NCKAP5: variants seen among roughly 807,000 people sequenced by gnomAD.
The protein encoded by NCKAP5 is NCK associated protein 5, also known as nck-associated protein 5.
Under a neutral mutation model 167.0 loss-of-function variants are expected in NCKAP5, and 92 were observed. That is an observed-to-expected ratio of 0.55 (90% CI 0.47 to 0.66). The LOEUF is 0.66. Among genes scored for constraint, NCKAP5 ranks in the 30% least tolerant of loss-of-function variants. The pLI, the probability that NCKAP5 is intolerant of heterozygous loss-of-function variation, is 0.00. For synonymous variants in NCKAP5, 891 were observed against 877.4 expected (o/e 1.02, Z -0.27); for missense variants, 2,378 against 2,315.0 (o/e 1.03, Z -0.56).
At chr2:133,141,229 C>T (rs1476103309) in intron 5 of NCKAP5, among the ~76,000 whole-genome samples, 1 of 152,150 alleles carries the variant, frequency 6.6e-6, no homozygotes, top group Non-Finnish European at 1.5e-5. Flanking sequence ...ATCCCAACTT[C>T]ATATTCACAT....
chr2:133,002,354 C>A (rs1002173644), intron 6 of NCKAP5, among the ~76,000 whole-genome samples: 18 of 152,156 alleles, frequency 1.2e-4, no homozygotes, highest in Admixed American at 1.0e-3. Context: ...AAGAAATCAA[C>A]AATAACAACT....
At chr2:133,049,555 A>G (rs900810669) in intron 6 of NCKAP5, among the ~76,000 whole-genome samples, 1 of 151,808 alleles carries the variant, frequency 6.6e-6, no homozygotes, top group African/African-American at 2.4e-5. Flanking sequence ...AAAAAAAAAA[A>G]AAAAAAAAAA....
At chr2:133,558,498 G>T (rs1291565042) in intron 2 of NCKAP5, among the ~76,000 whole-genome samples, 1 of 151,674 alleles carries the variant, frequency 6.6e-6, no homozygotes, top group Non-Finnish European at 1.5e-5. Flanking sequence ...GATGGTCCAG[G>T]ACTACAGAAA....
At chr2:133,368,043 G>A (rs796945195) in intron 3 of NCKAP5, among the ~76,000 whole-genome samples, 3 of 152,238 alleles carry the variant, frequency 2.0e-5, no homozygotes, top group Non-Finnish European at 2.9e-5. Context: ...AAGGCAAAGA[G>A]TAAAATTCAA....
chr2:133,537,401 C>A (rs1161442475), intron 2 of NCKAP5, among the ~76,000 whole-genome samples: 3 of 152,068 alleles, frequency 2.0e-5, no homozygotes, highest in African/African-American at 7.2e-5. Context: ...GTAGTGCCAT[C>A]TTAACAATGC....
chr2:132,902,722 G>A (rs1024694543), intron 8 of NCKAP5, among the ~76,000 whole-genome samples: 8 of 152,230 alleles, frequency 5.3e-5, no homozygotes, highest in Admixed American at 2.6e-4. Context: ...CCAAGAAGCT[G>A]CTCTCATGGC....
At chr2:133,562,853 G>A (rs72994246) in intron 1 of NCKAP5, among the ~76,000 whole-genome samples, 6,537 of 152,250 alleles carry the variant, frequency 0.043, 503 homozygotes, top group African/African-American at 0.15. Flanking sequence ...CATTAGGCAA[G>A]TATGTATTGG....
chr2:133,418,148 C>T (rs1263059815), intron 3 of NCKAP5, among the ~76,000 whole-genome samples: 1 of 152,182 alleles, frequency 6.6e-6, no homozygotes, highest in East Asian at 1.9e-4. Flanking sequence ...TTCTCAGAGG[C>T]TAGCATCAGA....
intron 4 of NCKAP5, 50 bp downstream of exon 4, chr2:133,302,987 T>C: frequency 3.2e-6 from 4 of 1,265,906 alleles, no homozygotes; most frequent in Non-Finnish European, 4.5e-6. Flanking sequence ...TCAGCAAAGC[T>C]ATAAAGGATG....
At chr2:133,016,274 G>A (rs563885523) in intron 6 of NCKAP5, among the ~76,000 whole-genome samples, 2 of 152,188 alleles carry the variant, frequency 1.3e-5, no homozygotes, top group African/African-American at 4.8e-5. Flanking sequence ...GTGTGTGAGA[G>A]CACATGAAGT....
the NCKAP5 span, among the ~76,000 whole-genome samples, chr2:133,667,924 A>C: frequency 2.5e-4 from 38 of 151,974 alleles, no homozygotes; most frequent in Non-Finnish European, 4.6e-4. Flanking sequence ...GCCCATACCC[A>C]TTACCAGTTA....
intron 6 of NCKAP5, among the ~76,000 whole-genome samples, chr2:133,066,288 T>A (rs2080193220): frequency 6.6e-6 from 1 of 152,242 alleles, no homozygotes; most frequent in South Asian, 2.1e-4. Context: ...CTTGTCATCA[T>A]CTTTCTCTTT....
At chr2:132,927,911 G>C (rs1387815546) in intron 8 of NCKAP5, among the ~76,000 whole-genome samples, 1 of 152,100 alleles carries the variant, frequency 6.6e-6, no homozygotes, top group Non-Finnish European at 1.5e-5. Context: ...ATGGAGAAGA[G>C]ACAGAGCCAT....
At chr2:133,192,503 T>G (rs1190129079) in intron 5 of NCKAP5, among the ~76,000 whole-genome samples, 1 of 151,922 alleles carries the variant, frequency 6.6e-6, no homozygotes, top group Non-Finnish European at 1.5e-5. Context: ...ATACCACATA[T>G]ACTACCAAGG....
intron 3 of NCKAP5, among the ~76,000 whole-genome samples, chr2:133,309,297 T>C (rs950835325): frequency 1.3e-5 from 2 of 152,120 alleles, no homozygotes; most frequent in Non-Finnish European, 2.9e-5. Flanking sequence ...CAGAAAATAA[T>C]GTCCATGAAG....
At chr2:133,231,949 C>CA (rs2150251698) in intron 4 of NCKAP5, among the ~76,000 whole-genome samples, 1 of 152,228 alleles carries the variant, frequency 6.6e-6, no homozygotes, top group Admixed American at 6.5e-5. Context: ...TGTCTTCTAG[C>CA]AAAAATCACT....
chr2:132,970,026 A>C (rs1455516866), intron 7 of NCKAP5, among the ~76,000 whole-genome samples: 1 of 152,242 alleles, frequency 6.6e-6, no homozygotes, highest in Non-Finnish European at 1.5e-5. Flanking sequence ...TGAGCAAAAG[A>C]AACAAATAGG....
intron 3 of NCKAP5, among the ~76,000 whole-genome samples, chr2:133,309,565 G>A (rs957626349): frequency 6.6e-6 from 1 of 152,154 alleles, no homozygotes; most frequent in African/African-American, 2.4e-5. Flanking sequence ...TCTGTTCCCT[G>A]GCTAAAACTT....
chr2:132,731,800 G>A lies in NCKAP5; in HGVS notation c.5380C>T (p.Pro1794Ser). The A allele has an allele frequency of 6.2e-7, 1 of 1,613,918 alleles. No individual in the cohort carries two copies. Among genetic ancestry groups the A allele is most frequent in the Non-Finnish European group, 8.5e-7 (1 of 1,179,856 alleles). Residue 1794 changes from proline to serine, a missense_variant, in exon 17 of 20, where the codon CCC (proline) becomes TCC (serine). By Grantham distance (74) the Pro-to-Ser change is moderately conservative. Coordinates refer to ENST00000409261, the MANE Select transcript of NCKAP5 (RefSeq NM_207363.3). The part of the protein sequence containing the change: ...DSAIVHSTSD[P>S]IMTARGMRPL... Reference sequence around the variant, plus strand: ...CTCATCCCTCTGGCGGTCATGATGGGGTCGGATGTGGAATGAACAATGGCG... The same window carrying A: ...CTCATCCCTCTGGCGGTCATGATGGAGTCGGATGTGGAATGAACAATGGCG...
Sources: gnomAD v4.1 joint callset for allele counts (sites outside exome capture counted in the v4.1 genomes callset) on GRCh38, gnomAD v4.1.1 for gene constraint, MANE v1.5 for transcripts, NCBI Gene and HGNC (gene_info 2026-07-23, HGNC 2026-07-21) for gene names.